The following BMPER variants were observed in gnomAD, a reference collection of about 807,000 sequenced individuals.
The protein encoded by BMPER is BMP-binding endothelial regulator protein.
BMPER carries 45 observed loss-of-function variants against 87.3 expected under a neutral mutation model. The ratio of observed to expected loss-of-function variants is 0.52; its 90% CI spans 0.41 to 0.66. BMPER has a LOEUF of 0.66. BMPER is among the 30% of genes least tolerant of loss of function. The probability of loss-of-function intolerance (pLI) is 0.00; values close to 1 mark genes in which losing one functional copy is unlikely to be tolerated. For synonymous variants in BMPER, 326 were observed against 316.2 expected (o/e 1.03, Z -0.33); for missense variants, 784 against 867.5 (o/e 0.90, Z 1.21).
intron 6 of BMPER, among the ~76,000 whole-genome samples, chr7:34,017,099 G>A (rs1787045999): frequency 6.6e-6 from 1 of 151,914 alleles, no homozygotes; most frequent in South Asian, 2.1e-4. Flanking sequence ...CTTTTTTGTT[G>A]ACTATGCTGG....
At chr7:33,974,906 C>T (rs1785646994) in intron 6 of BMPER, 122 bp downstream of exon 6, 4 of 985,740 alleles carry the variant, frequency 4.1e-6, no homozygotes, top group East Asian at 2.5e-5. Flanking sequence ...AAGTCCGTCC[C>T]TCCTGATGTG....
rs1360258582 is a variant in BMPER, at chr7:34,040,445, G to A, written c.577-5861G>A. On this transcript the variant is annotated intron_variant, in intron 6 of 14. Coordinates refer to ENST00000649409, the MANE Select transcript of BMPER (RefSeq NM_001365308.1). ...AGTCCAGAGACAATAGCTTAGTGAC[G>A]ACTGAGACATAGTTGCAGCTTTAAT... 4.6e-5 allele frequency among the ~76,000 whole-genome samples: 7 copies of A among 152,252 alleles called. No individual in the cohort carries two copies. The East Asian group carries it at 1.4e-3, about 29-fold the overall frequency.
intron 14 of BMPER, among the ~76,000 whole-genome samples, chr7:34,151,378 T>G (rs1791172128): frequency 6.6e-6 from 1 of 152,130 alleles, no homozygotes; most frequent in Admixed American, 6.5e-5. Context: ...GAGCTTACAT[T>G]TTAGTGTTGG....
At chr7:34,125,139 G>C (rs1026448133) in intron 13 of BMPER, among the ~76,000 whole-genome samples, 4 of 152,008 alleles carry the variant, frequency 2.6e-5, no homozygotes, top group Non-Finnish European at 5.9e-5. Flanking sequence ...TGCTCTCCTT[G>C]TTACATTTTG....
intron 6 of BMPER, among the ~76,000 whole-genome samples, chr7:33,994,841 T>C (rs1327227301): frequency 6.6e-6 from 1 of 152,126 alleles, no homozygotes; most frequent in Non-Finnish European, 1.5e-5. Context: ...TCTTTGGGAT[T>C]CAGTTTCCCC....
Position 33,984,428 on chromosome 7 carries a change from G to A in BMPER, c.576+9644G>A, listed in dbSNP as rs957093123. Among the ~76,000 whole-genome samples the A allele has an allele frequency of 3.9e-5, 6 of 152,064 alleles. 1 individual carries two copies. The East Asian group carries it at 5.8e-4, about 15-fold the overall frequency. On this transcript the variant is annotated intron_variant, in intron 6 of 14. Transcript: ENST00000649409. ...TGCAGTGAGCCGAGATCATGCCACT[G>A]TACTCCAGCCTGGGCAACAGAGCAA...
At chr7:34,052,034 A>C (rs1585779064) in intron 8 of BMPER, 64 bp downstream of exon 8, 21 of 1,383,056 alleles carry the variant, frequency 1.5e-5, no homozygotes, top group African/African-American at 1.4e-5. Flanking sequence ...TGTTAACATC[A>C]CAGCCATAGC....
At chr7:34,075,662 A>G (rs570825556) in intron 11 of BMPER, among the ~76,000 whole-genome samples, 40 of 152,336 alleles carry the variant, frequency 2.6e-4, no homozygotes, top group Admixed American at 1.6e-3. Context: ...CCCTCTGCCT[A>G]TCACGCCAGG....
At chr7:34,109,075 A>C (rs1285052389) in intron 13 of BMPER, among the ~76,000 whole-genome samples, 1 of 152,250 alleles carries the variant, frequency 6.6e-6, no homozygotes, top group Non-Finnish European at 1.5e-5. Context: ...TGAGATCTGC[A>C]GGATGAGTTG....
At chr7:34,091,992 A>G (rs926574927) in intron 13 of BMPER, among the ~76,000 whole-genome samples, 2 of 151,898 alleles carry the variant, frequency 1.3e-5, no homozygotes, top group Admixed American at 1.3e-4. Context: ...TTTGTATTTC[A>G]CCCAGCACCA....
At chr7:33,916,284 G>A (rs1035348164) in intron 2 of BMPER, among the ~76,000 whole-genome samples, 4 of 152,166 alleles carry the variant, frequency 2.6e-5, no homozygotes, top group Non-Finnish European at 5.9e-5. Flanking sequence ...TGCTTAACTT[G>A]TGCCAATTTA....
intron 10 of BMPER, among the ~76,000 whole-genome samples, chr7:34,058,444 G>C (rs1190564482): frequency 6.6e-6 from 1 of 152,068 alleles, no homozygotes; most frequent in Non-Finnish European, 1.5e-5. Context: ...CTCTTTCTTT[G>C]TTTTCTTTTG....
chr7:34,080,024 G>A (rs145517778), intron 12 of BMPER, among the ~76,000 whole-genome samples: 1 of 152,194 alleles, frequency 6.6e-6, no homozygotes, highest in Admixed American at 6.5e-5. Context: ...TGTGTATCAT[G>A]TATGGTTCCT....
chr7:34,046,932 T>TA (rs1201030900), intron 7 of BMPER, among the ~76,000 whole-genome samples: 2 of 151,862 alleles, frequency 1.3e-5, no homozygotes, highest in African/African-American at 4.8e-5. Flanking sequence ...CTTTATTTTT[T>TA]TTTTTTTCTC....
chr7:34,008,039 CTTAATA>C (rs943630599), intron 6 of BMPER, among the ~76,000 whole-genome samples: 2 of 151,814 alleles, frequency 1.3e-5, no homozygotes, highest in Non-Finnish European at 2.9e-5. Context: ...TTGATTTTAT[CTTAATA>C]TTGAGTATAG....
chr7:33,953,938 T>C (rs2128614067), intron 3 of BMPER, among the ~76,000 whole-genome samples: 1 of 152,340 alleles, frequency 6.6e-6, no homozygotes, highest in South Asian at 2.1e-4. Context: ...CTTAGCATAA[T>C]GTCTTCAAGG....
At chr7:33,910,091 G>GTTCATC (rs1783922615) in intron 2 of BMPER, among the ~76,000 whole-genome samples, 1 of 152,188 alleles carries the variant, frequency 6.6e-6, no homozygotes, top group African/African-American at 2.4e-5. Flanking sequence ...ATTTGAGGGG[G>GTTCATC]TAGGTGAGAA....
intron 6 of BMPER, chr7:34,042,856 A>T (rs2127956331): frequency 6.6e-6 from 1 of 152,344 alleles, no homozygotes; most frequent in African/African-American, 2.4e-5. Flanking sequence ...GCCTTTATGT[A>T]TGTGCCAAAA....
At chr7:34,140,635 A>G (rs1021759497) in intron 13 of BMPER, among the ~76,000 whole-genome samples, 15 of 106,372 alleles carry the variant, frequency 1.4e-4, no homozygotes, top group African/African-American at 4.2e-4. Flanking sequence ...TGCTGAAAAC[A>G]TTTTCTCTCA....
Sources: allele counts gnomAD v4.1 joint callset (sites outside exome capture counted in the v4.1 genomes callset), GRCh38; gene constraint gnomAD v4.1.1; transcripts MANE v1.5; gene names NCBI Gene and HGNC (gene_info 2026-07-23, HGNC 2026-07-21).